Variants in DIP2A observed in about 807,000 individuals in gnomAD.
The protein encoded by DIP2A is DIP2 acetate--CoA ligase A, also known as disco-interacting protein 2 homolog A.
DIP2A carries 85 observed loss-of-function variants against 177.4 expected under a neutral mutation model. The ratio of observed to expected loss-of-function variants is 0.48; its 90% CI spans 0.40 to 0.57. The LOEUF (loss-of-function observed/expected upper bound fraction) is 0.57, where lower values mean the gene tolerates loss of function less well. Among genes scored for constraint, DIP2A ranks in the 20% least tolerant of loss-of-function variants. The pLI, the probability that DIP2A is intolerant of heterozygous loss-of-function variation, is 0.00. For missense variants in DIP2A, 1,791 were observed against 2,100.2 expected (o/e 0.85, Z 2.88); for synonymous variants, 886 against 881.8 (o/e 1.00, Z -0.08).
At chr21:46,574,928 A>G (rs187588213), downstream of DIP2A, among the ~76,000 whole-genome samples, 30 of 152,298 alleles carry the variant, frequency 2.0e-4, no homozygotes, top group East Asian at 5.4e-3. Context: ...AACTTACTCT[A>G]TGAGGCAAGC....
chr21:46,583,041 C>G, the DIP2A span, among the ~76,000 whole-genome samples: 3 of 152,092 alleles, frequency 2.0e-5, no homozygotes, highest in African/African-American at 7.2e-5. Flanking sequence ...TACAAATAGA[C>G]TGACAGTAAA....
intron 6 of DIP2A, among the ~76,000 whole-genome samples, chr21:46,508,154 C>A (rs895769626): frequency 6.6e-6 from 1 of 151,860 alleles, no homozygotes; most frequent in Non-Finnish European, 1.5e-5. Flanking sequence ...CCTTCTCAGC[C>A]TCCCAAGGAG....
chr21:46,556,177 A>G lies in DIP2A; in HGVS notation c.3498+86A>G, dbSNP rs2148890301. The G allele has an allele frequency of 7.0e-7, 1 of 1,424,162 alleles. No homozygotes were observed. Among genetic ancestry groups the G allele is most frequent in the East Asian group, 2.3e-5 (1 of 43,852 alleles). The allele number at this position is 1,424,162 out of a possible 1,614,324, so 88.2% of individuals were successfully genotyped here. ...GGATGTCAGATGCAGATTTAAACTG[A>G]CAGGTCCTTCTTATGCAAAGCACAA... On this transcript the variant is annotated intron_variant, in intron 29 of 37. Transcript: ENST00000417564. The surrounding 1 kb of genome is among the most constrained non-coding windows in gnomAD (Gnocchi z 4.5).
chr21:46,560,635 G>A (rs2060631953), intron 32 of DIP2A, 87 bp from the exon 33 acceptor site: 2 of 1,530,424 alleles, frequency 1.3e-6, no homozygotes, highest in Admixed American at 4.0e-5. Context: ...CGGGGGCCAG[G>A]GAGGAGCTGC....
chr21:46,524,192 G>A (rs1209484097), intron 8 of DIP2A, among the ~76,000 whole-genome samples: 1 of 152,188 alleles, frequency 6.6e-6, no homozygotes, highest in African/African-American at 2.4e-5. Context: ...GAGAATAGTG[G>A]TTAACATTCT....
chr21:46,561,135 C>A, intron 33 of DIP2A: 2 of 700,530 alleles, frequency 2.9e-6, no homozygotes, highest in Non-Finnish European at 1.9e-6. Flanking sequence ...TTTAGAGGGA[C>A]AGGGACAGAG....
intron 34 of DIP2A, 146 bp downstream of exon 34, chr21:46,561,951 C>T: frequency 2.7e-6 from 4 of 1,460,380 alleles, no homozygotes. Flanking sequence ...GCAGAAGTCT[C>T]CTTCCCTCCT....
chr21:46,578,630 C>T, the DIP2A span, among the ~76,000 whole-genome samples: 2 of 152,124 alleles, frequency 1.3e-5, no homozygotes, highest in African/African-American at 4.8e-5. Flanking sequence ...AGGCATATTC[C>T]TTCAATATCC....
At chr21:46,525,118 C>T (rs2059018819) in intron 8 of DIP2A, among the ~76,000 whole-genome samples, 1 of 151,926 alleles carries the variant, frequency 6.6e-6, no homozygotes, top group Non-Finnish European at 1.5e-5. Context: ...AACTCCTGAC[C>T]TCAGGTGATC....
At position 46,545,894 on chromosome 21, in the gene DIP2A, C is replaced by T; in HGVS notation, c.2327C>T (p.Thr776Ile). ...CACTTTGTGCAGGCAGTTCCGGTCA[C>T]CACAGGAGGAGCACCCATCTTTGAC... ...TKNVFEAVPV[T>I]TGGAPIFDRP... is the part of the protein sequence containing the mutation. Residue 776 changes from threonine (T) to isoleucine (I), a missense_variant, in exon 20 of 38, where the codon ACC (threonine) becomes ATC (isoleucine). Physicochemically the swap from Thr to Ile is moderately conservative, Grantham distance 89 (BLOSUM62 -1). Coordinates refer to ENST00000417564, the MANE Select transcript of DIP2A (RefSeq NM_015151.4). 6.2e-7 allele frequency: 1 copy of T among 1,613,962 alleles called. No individual in the cohort carries two copies. Among genetic ancestry groups the T allele is most frequent in the Non-Finnish European group, 8.5e-7 (1 of 1,179,866 alleles).
chr21:46,539,810 T>G (rs779985346), intron 16 of DIP2A, 67 bp from the exon 17 acceptor site: 2 of 1,343,418 alleles, frequency 1.5e-6, no homozygotes, highest in Non-Finnish European at 2.1e-6. Flanking sequence ...CTTGAGCATG[T>G]CCAGCCACCC....
intron 35 of DIP2A, among the ~76,000 whole-genome samples, chr21:46,565,181 G>T (rs1713621145): frequency 6.6e-6 from 1 of 150,622 alleles, no homozygotes; most frequent in Non-Finnish European, 1.5e-5. Context: ...AGATATGAGG[G>T]TGCACACAAA....
rs2057275285 is a variant in DIP2A at position 46,495,244 on chromosome 21, T to TTCTCTTCTTTCTCTCTC, written c.284-1739_284-1738insTCTTTCTCTCTCTCTCT. ...CTTCTCTTCTCTTCTCTTCTCTTCT[T>TTCTCTTCTTTCTCTCTC]TCTCTCTCTCTCTCTCTCTCTCTCT... On this transcript the variant is annotated intron_variant, in intron 3 of 37. Transcript: ENST00000417564. Among the ~76,000 whole-genome samples, 3 of 38,208 alleles carry TTCTCTTCTTTCTCTCTC rather than the reference T, an allele frequency of 7.9e-5. No homozygotes were observed. In the East Asian group the frequency reaches 2.9e-3, roughly 37 times the overall value. 25.1% of individuals were successfully genotyped at this position (38,208 alleles called of 152,430 possible). A position where few individuals can be genotyped will look rare whatever the true frequency, so the allele number is the denominator to read the frequency against.
At chr21:46,558,059 G>A (rs745751987) in intron 31 of DIP2A, among the ~76,000 whole-genome samples, 164 bp from the exon 32 acceptor site, 6 of 152,306 alleles carry the variant, frequency 3.9e-5, no homozygotes, top group South Asian at 2.1e-4. Context: ...ATCGTTTAGC[G>A]CATCCACACG....
chr21:46,498,814 C>A lies in DIP2A; in HGVS notation c.636C>A (p.Leu212=), dbSNP rs763661954. Residue 212 remains leucine (L), a synonymous_variant, in exon 5 of 38, where the codon CTC becomes CTA. Transcript: ENST00000417564. The surrounding 1 kb of genome is among the most constrained non-coding windows in gnomAD (Gnocchi z 4.3). ...GAAATTALAG[L]EAHTHIDLHS... The stretch of plus-strand genomic sequence containing the variant: ...CCGCTACCACTGCACTCGCAGGCCT[C>A]GAGGCCCACACCCACATAGGTCAGT... The A allele has an allele frequency of 6.2e-7, 1 of 1,613,460 alleles. No individual in the cohort carries two copies.
intron 3 of DIP2A, among the ~76,000 whole-genome samples, chr21:46,492,595 G>A (rs1018416658): frequency 6.6e-6 from 1 of 152,090 alleles, no homozygotes; most frequent in Non-Finnish European, 1.5e-5. Flanking sequence ...TTGGAGTTTG[G>A]TCCTTTGGGA....
chr21:46,505,555 G>A (rs2057934691), intron 6 of DIP2A, among the ~76,000 whole-genome samples: 1 of 152,180 alleles, frequency 6.6e-6, no homozygotes, highest in African/African-American at 2.4e-5. Flanking sequence ...GTTGCAGTGA[G>A]CCAAGATTGT....
intron 1 of DIP2A, among the ~76,000 whole-genome samples, chr21:46,468,850 G>A (rs2839268): frequency 0.31 from 46,868 of 151,832 alleles, 7,618 homozygotes; most frequent in Admixed American, 0.37. Context: ...TAATCATGTC[G>A]ATTTAAAAAA....
Position 46,563,766 on chromosome 21 carries a change from A to G in DIP2A, c.4090-92A>G. On this transcript the variant is annotated intron_variant, in intron 34 of 37. Coordinates refer to ENST00000417564, the MANE Select transcript of DIP2A (RefSeq NM_015151.4). The surrounding 1 kb of genome is among the most constrained non-coding windows in gnomAD (Gnocchi z 4.3). ...CATGAGCACATCAGTCCTGCAGGCC[A>G]GCTTCTGAGGGACGTTATTTTAATG... 6.5e-7 allele frequency: 1 copy of G among 1,533,156 alleles called. No individual in the cohort carries two copies. Among genetic ancestry groups the G allele is most frequent in the African/African-American group, 1.4e-5 (1 of 72,626 alleles). 95.0% of individuals were successfully genotyped at this position (1,533,156 alleles called of 1,614,324 possible). A position where few individuals can be genotyped will look rare whatever the true frequency, so the allele number is the denominator to read the frequency against.
Sources: allele counts gnomAD v4.1 joint callset (sites outside exome capture counted in the v4.1 genomes callset), GRCh38; gene constraint gnomAD v4.1.1; non-coding constraint Gnocchi (gnomAD v3.1); transcripts MANE v1.5; gene names NCBI Gene and HGNC (gene_info 2026-07-23, HGNC 2026-07-21).